CBFB: variants seen among roughly 807,000 people sequenced by gnomAD.
CBFB encodes CBF-beta.
CBFB carries 9 observed loss-of-function variants against 30.4 expected under a neutral mutation model. The ratio of observed to expected loss-of-function variants is 0.30; its 90% confidence interval spans 0.18 to 0.52. The LOEUF (loss-of-function observed/expected upper bound fraction) is 0.52, where lower values mean the gene tolerates loss of function less well. CBFB is among the 20% of genes least tolerant of loss of function. The pLI, the probability that CBFB is intolerant of heterozygous loss-of-function variation, is 0.97. For synonymous variants in CBFB, 94 were observed against 84.0 expected (o/e 1.12, Z -0.65); for missense variants, 170 against 244.0 (o/e 0.70, Z 2.02).
chr16:67,032,419 G>T lies in CBFB; in HGVS notation c.165+2606G>T, dbSNP rs566833391. ...AAAGAAGGTAGATTGAATGCTGTGT[G>T]AGGTTTGCACTTAAGACGGCTCATG... On this transcript the variant is annotated intron_variant, in intron 2 of 5. Coordinates refer to ENST00000412916, the MANE Select transcript of CBFB (RefSeq NM_022845.3). Among the ~76,000 whole-genome samples, 94 of 152,350 alleles carry T rather than the reference G, an allele frequency of 6.2e-4. 1 individual carries two copies. In the South Asian group the frequency reaches 0.011, roughly 18 times the overall value.
chr16:67,073,222 A>G (rs148109747), intron 4 of CBFB, among the ~76,000 whole-genome samples: 5 of 152,342 alleles, frequency 3.3e-5, no homozygotes, highest in Admixed American at 2.0e-4. Context: ...ATTAAATTGT[A>G]TAACTATTTC....
chr16:67,037,232 A>G lies in CBFB; in HGVS notation c.282+477A>G, dbSNP rs761282049. 1.1e-4 allele frequency among the ~76,000 whole-genome samples: 16 copies of G among 152,334 alleles called. No homozygotes were observed. The South Asian group carries it at 1.2e-3, about 12-fold the overall frequency. ...TTTAAAACCACTGTTAAACTTTTGT[A>G]TCACTCCATTCCTAATTTCATGTAC... On this transcript the variant is annotated intron_variant, in intron 3 of 5. Coordinates refer to ENST00000412916, the MANE Select transcript of CBFB (RefSeq NM_022845.3).
chr16:67,077,965 TA>T (rs1323438805), intron 4 of CBFB, among the ~76,000 whole-genome samples: 1 of 152,130 alleles, frequency 6.6e-6, no homozygotes, highest in Non-Finnish European at 1.5e-5. Flanking sequence ...GACTTTGGAG[TA>T]ACAGACTAGT....
At chr16:67,069,294 C>T (rs1961150857) in intron 4 of CBFB, among the ~76,000 whole-genome samples, 3 of 151,684 alleles carry the variant, frequency 2.0e-5, no homozygotes, top group Non-Finnish European at 2.9e-5. Flanking sequence ...AGCTTGGACC[C>T]AGGAGGCAGA....
chr16:67,048,101 G>A (rs752205271), intron 3 of CBFB, among the ~76,000 whole-genome samples: 3 of 152,008 alleles, frequency 2.0e-5, no homozygotes, highest in Non-Finnish European at 4.4e-5. Context: ...TTGGTCAGGC[G>A]TGGTGTCGCA....
chr16:67,097,793 A>C (rs1157241993), intron 5 of CBFB, among the ~76,000 whole-genome samples: 1 of 152,112 alleles, frequency 6.6e-6, no homozygotes, highest in Non-Finnish European at 1.5e-5. Context: ...GTCCTATGGC[A>C]TGTGCCCATA....
At chr16:67,077,196 T>C (rs1961424487) in intron 4 of CBFB, among the ~76,000 whole-genome samples, 1 of 152,214 alleles carries the variant, frequency 6.6e-6, no homozygotes, top group African/African-American at 2.4e-5. Flanking sequence ...TGACTTTGTT[T>C]TGGCAATCAC....
intron 3 of CBFB, among the ~76,000 whole-genome samples, chr16:67,037,666 A>ATTTTTTTTTTT (rs35804914): frequency 4.6e-5 from 6 of 129,290 alleles, no homozygotes; most frequent in African/African-American, 1.5e-4. Context: ...GATTTTGGTA[A>ATTTTTTTTTTT]TTTTTTTTTT....
chr16:67,066,251 A>G (rs774636575), intron 3 of CBFB, among the ~76,000 whole-genome samples: 23 of 152,118 alleles, frequency 1.5e-4, no homozygotes, highest in Middle Eastern at 3.4e-3. Flanking sequence ...CCAACATTCA[A>G]AAATCAAAGT....
At chr16:67,051,909 G>A (rs1341720404) in intron 3 of CBFB, among the ~76,000 whole-genome samples, 26 of 126,492 alleles carry the variant, frequency 2.1e-4, no homozygotes, top group Non-Finnish European at 3.5e-4. Flanking sequence ...ATATATATGT[G>A]TATACACACA....
At chr16:67,058,042 G>A (rs1960780594) in intron 3 of CBFB, among the ~76,000 whole-genome samples, 1 of 152,116 alleles carries the variant, frequency 6.6e-6, no homozygotes, top group Non-Finnish European at 1.5e-5. Flanking sequence ...TATTTCATTG[G>A]AATTTTGTTG....
chr16:67,049,652 T>C (rs1966704709), intron 3 of CBFB, among the ~76,000 whole-genome samples: 1 of 151,792 alleles, frequency 6.6e-6, no homozygotes, highest in South Asian at 2.1e-4. Flanking sequence ...AGCTGTTTTT[T>C]TTTGTTTTAC....
In CBFB at chr16:67,100,926, A is replaced by G. The variant is rs892212298; in HGVS notation, c.*2148A>G. On this transcript the variant is annotated 3_prime_UTR_variant, in exon 6 of 6. Coordinates refer to ENST00000412916, the MANE Select transcript of CBFB (RefSeq NM_022845.3). The stretch of plus-strand genomic sequence containing the variant: ...ATCTATATTTAAACAAAATTACATC[A>G]TTGCATCATCTTTTCTAAATTCATC... 1.0e-5 allele frequency: 2 copies of G among 192,930 alleles called. No homozygotes were observed. Among genetic ancestry groups the G allele is most frequent in the African/African-American group, 4.6e-5 (2 of 43,064 alleles). The allele number at this position is 192,930 out of a possible 1,614,324, so 12.0% of individuals were successfully genotyped here.
At position 67,029,882 on chromosome 16, in the gene CBFB, C is replaced by A. The variant is rs1248681069; in HGVS notation, c.165+69C>A. On this transcript the variant is annotated intron_variant, in intron 2 of 5. Coordinates refer to ENST00000412916, the MANE Select transcript of CBFB (RefSeq NM_022845.3). The stretch of plus-strand genomic sequence containing the variant: ...GGGGCCGCGGCGGCCCAGGCCGGTT[C>A]CGGACGGCGGCGCGGCTGCTGCGGC... 2.8e-6 allele frequency: 3 copies of A among 1,078,162 alleles called. No homozygotes were observed. In the South Asian group the frequency reaches 5.9e-5, roughly 21 times the overall value. The allele number at this position is 1,078,162 out of a possible 1,614,324, so 66.8% of individuals were successfully genotyped here.
In CBFB at chr16:67,099,419, C is replaced by CTT. The variant is rs780000742; in HGVS notation, c.*654_*655dup. On this transcript the variant is annotated 3_prime_UTR_variant, in exon 6 of 6. Coordinates refer to ENST00000412916, the MANE Select transcript of CBFB (RefSeq NM_022845.3). ...TAAATGCTAGTAATCAGCACTCTTT[C>CTT]TTTTTTTTTTTTTTAATAGAGACAG... The CTT allele has an allele frequency of 2.3e-4, 44 of 188,254 alleles. No homozygotes were observed. The highest frequency in any genetic ancestry group is 3.3e-4 in the Non-Finnish European group (31 of 92,642). 11.7% of individuals were successfully genotyped at this position (188,254 alleles called of 1,614,324 possible). A position where few individuals can be genotyped will look rare whatever the true frequency, so the allele number is the denominator to read the frequency against.
chr16:67,071,047 T>G (rs1961210085), intron 4 of CBFB, among the ~76,000 whole-genome samples: 2 of 152,066 alleles, frequency 1.3e-5, no homozygotes, highest in Admixed American at 1.3e-4. Flanking sequence ...TTACCGATAA[T>G]AGGAGTTATA....
chr16:67,047,512 T>C (rs1966649455), intron 3 of CBFB, among the ~76,000 whole-genome samples: 1 of 152,194 alleles, frequency 6.6e-6, no homozygotes, highest in Admixed American at 6.5e-5. Flanking sequence ...GCCTAGAAAC[T>C]TGTGACTTCG....
At chr16:67,061,131 TTA>T (rs1960899629) in intron 3 of CBFB, among the ~76,000 whole-genome samples, 1 of 152,230 alleles carries the variant, frequency 6.6e-6, no homozygotes, top group Non-Finnish European at 1.5e-5. Flanking sequence ...TCACAAATAC[TTA>T]TATTTAGAGC....
chr16:67,074,251 G>T, intron 4 of CBFB, among the ~76,000 whole-genome samples: 1 of 151,536 alleles, frequency 6.6e-6, no homozygotes, highest in African/African-American at 2.4e-5. Flanking sequence ...GGGGGGCAGG[G>T]GGTAGGTCTC....
Sources: gnomAD v4.1 joint callset for allele counts (sites outside exome capture counted in the v4.1 genomes callset) on GRCh38, gnomAD v4.1.1 for gene constraint, MANE v1.5 for transcripts, NCBI Gene and HGNC (gene_info 2026-07-23, HGNC 2026-07-21) for gene names.